The following EPHA5 variants were observed in gnomAD, a reference collection of about 807,000 sequenced individuals.
EPHA5 encodes the protein EPH receptor A5.
Under a neutral mutation model 105.0 loss-of-function variants are expected in EPHA5, and 60 were observed. The observed-to-expected ratio is 0.57, with a 90% CI of 0.46 to 0.71. The LOEUF (loss-of-function observed/expected upper bound fraction) is 0.71, where lower values mean the gene tolerates loss of function less well. Among genes scored for constraint, EPHA5 ranks in the 30% least tolerant of loss-of-function variants. The pLI, the probability that EPHA5 is intolerant of heterozygous loss-of-function variation, is 0.00. For missense variants in EPHA5, 1,218 were observed against 1,274.7 expected, an observed-to-expected ratio of 0.96 and a Z score of 0.68; for synonymous variants, 513 against 449.1, an observed-to-expected ratio of 1.14 and a Z score of -1.80.
At chr4:65,651,884 A>AT (rs2149530050) in intron 1 of EPHA5, among the ~76,000 whole-genome samples, 1 of 152,266 alleles carries the variant, frequency 6.6e-6, no homozygotes, top group South Asian at 2.1e-4. Context: ...GTTCGTCTGT[A>AT]CAAAGTGTTA....
chr4:65,530,552 T>C (rs1211640132), intron 3 of EPHA5, among the ~76,000 whole-genome samples: 2 of 152,146 alleles, frequency 1.3e-5, no homozygotes, highest in African/African-American at 4.8e-5. Flanking sequence ...GTGTAAATTA[T>C]AGAAATTGTT....
intron 3 of EPHA5, among the ~76,000 whole-genome samples, chr4:65,525,562 C>T (rs1735152719): frequency 6.6e-6 from 1 of 151,746 alleles, no homozygotes; most frequent in Admixed American, 6.6e-5. Context: ...CCCATTGGAA[C>T]CATTGGAAAG....
At chr4:65,498,471 A>G (rs375160723) in intron 3 of EPHA5, among the ~76,000 whole-genome samples, 5 of 151,864 alleles carry the variant, frequency 3.3e-5, no homozygotes, top group Admixed American at 1.3e-4. Context: ...CTGGGTAAAA[A>G]AGCAAGATCA....
intron 2 of EPHA5, among the ~76,000 whole-genome samples, chr4:65,633,712 T>C (rs1052355978): frequency 1.3e-5 from 2 of 152,048 alleles, no homozygotes; most frequent in Admixed American, 6.6e-5. Flanking sequence ...GTGGAAATTA[T>C]ACTGGGAAAT....
intron 14 of EPHA5, among the ~76,000 whole-genome samples, chr4:65,347,123 C>T (rs959497992): frequency 6.6e-6 from 1 of 152,090 alleles, no homozygotes; most frequent in African/African-American, 2.4e-5. Context: ...GTCTAACCAA[C>T]CCTGAAGGCA....
chr4:65,476,594 A>G (rs1416218985), intron 5 of EPHA5, among the ~76,000 whole-genome samples: 2 of 152,178 alleles, frequency 1.3e-5, no homozygotes, highest in Non-Finnish European at 2.9e-5. Context: ...ACGGAGTGAG[A>G]GGAGGGATAA....
intron 3 of EPHA5, among the ~76,000 whole-genome samples, chr4:65,500,464 C>G (rs555132667): frequency 5.3e-5 from 8 of 151,016 alleles, no homozygotes; most frequent in African/African-American, 1.9e-4. Flanking sequence ...ATCCTTTAAA[C>G]CTTTGAGCCA....
intron 1 of EPHA5, among the ~76,000 whole-genome samples, chr4:65,660,009 C>A (rs537373654): frequency 3.7e-4 from 56 of 152,206 alleles, no homozygotes; most frequent in Non-Finnish European, 7.1e-4. Context: ...AGCAGCATTT[C>A]TCATGCCCTT....
chr4:65,669,340 C>T (rs1345585872), intron 1 of EPHA5: 55 of 951,872 alleles, frequency 5.8e-5, no homozygotes, highest in Non-Finnish European at 6.8e-5. Flanking sequence ...TGTCCACACG[C>T]ATGTTCCTTG....
chr4:65,377,448 A>C (rs1313401775), intron 8 of EPHA5, among the ~76,000 whole-genome samples: 1 of 151,934 alleles, frequency 6.6e-6, no homozygotes, highest in African/African-American at 2.4e-5. Context: ...TAGCCCTTTA[A>C]ATACATGTTT....
At chr4:65,527,562 C>T (rs199854194) in intron 3 of EPHA5, among the ~76,000 whole-genome samples, 2 of 152,012 alleles carry the variant, frequency 1.3e-5, no homozygotes, top group Non-Finnish European at 2.9e-5. Context: ...TTAAGCATTT[C>T]TTTTTTAAAT....
intron 3 of EPHA5, among the ~76,000 whole-genome samples, chr4:65,509,927 G>A (rs1733433641): frequency 6.6e-6 from 1 of 152,044 alleles, no homozygotes; most frequent in African/African-American, 2.4e-5. Flanking sequence ...TGAGAGTTCA[G>A]GACAGGTGGA....
At chr4:65,587,073 T>G (rs1742193723) in intron 3 of EPHA5, among the ~76,000 whole-genome samples, 1 of 152,138 alleles carries the variant, frequency 6.6e-6, no homozygotes, top group South Asian at 2.1e-4. Flanking sequence ...CTGCTTCTTT[T>G]CAACTTCCCA....
chr4:65,348,037 A>G lies in EPHA5; in HGVS notation c.2595+17T>C, dbSNP rs752553082. On this transcript the variant is annotated intron_variant, in intron 14 of 16. Coordinates refer to ENST00000613740, the MANE Select transcript of EPHA5 (RefSeq NM_001281766.3). ...GCATTTCATTGTCAAGTTGGGAAAG[A>G]GTAGTTCCATACTCACATCTTGATT... The G allele has an allele frequency of 1.3e-6, 2 of 1,579,880 alleles. No homozygotes were observed. Among genetic ancestry groups the G allele is most frequent in the South Asian group, 2.3e-5 (2 of 85,194 alleles).
chr4:65,324,742 C>CTTTT (rs368440921), intron 16 of EPHA5, among the ~76,000 whole-genome samples: 6 of 131,344 alleles, frequency 4.6e-5, no homozygotes, highest in East Asian at 2.3e-4. Flanking sequence ...CAATGTTTTA[C>CTTTT]TTTTTTTTTT....
intron 7 of EPHA5, among the ~76,000 whole-genome samples, chr4:65,412,796 T>C (rs912293571): frequency 6.6e-6 from 1 of 152,136 alleles, no homozygotes; most frequent in Non-Finnish European, 1.5e-5. Flanking sequence ...GTAGCTACCA[T>C]TTAATACATA....
intron 3 of EPHA5, among the ~76,000 whole-genome samples, chr4:65,548,273 A>C (rs2149334806): frequency 8.1e-6 from 1 of 123,432 alleles, no homozygotes; most frequent in African/African-American, 3.0e-5. Context: ...AAAATACAAA[A>C]GTATAACAAA....
At chr4:65,324,903 T>C (rs1719933207) in intron 16 of EPHA5, among the ~76,000 whole-genome samples, 4 of 151,190 alleles carry the variant, frequency 2.6e-5, no homozygotes, top group Admixed American at 6.6e-5. Context: ...ACATGCTTAT[T>C]ATTCAAAATA....
chr4:65,554,422 G>T (rs138062504), intron 3 of EPHA5, among the ~76,000 whole-genome samples: 228 of 151,112 alleles, frequency 1.5e-3, no homozygotes, highest in Non-Finnish European at 2.6e-3. Flanking sequence ...TATTTATCAA[G>T]AATGTACAAA....
Sources: allele counts gnomAD v4.1 joint callset (sites outside exome capture counted in the v4.1 genomes callset), GRCh38; gene constraint gnomAD v4.1.1; transcripts MANE v1.5; gene names NCBI Gene and HGNC (gene_info 2026-07-23, HGNC 2026-07-21).